MEGF10: variants seen among roughly 807,000 people sequenced by gnomAD.
MEGF10 encodes multiple EGF like domains 10.
A neutral mutation model predicts 147.5 loss-of-function variants in MEGF10; 86 were observed. The ratio of observed to expected loss-of-function variants is 0.58; its 90% CI spans 0.49 to 0.70. The LOEUF (loss-of-function observed/expected upper bound fraction) is 0.70. MEGF10 is among the 30% of genes least tolerant of loss of function. The pLI, the probability that MEGF10 is intolerant of heterozygous loss-of-function variation, is 0.00. For missense variants in MEGF10, 1,329 were observed against 1,487.3 expected (o/e 0.89, Z 1.75); for synonymous variants, 478 against 525.5 (o/e 0.91, Z 1.24).
the MEGF10 span, among the ~76,000 whole-genome samples, chr5:127,259,243 A>C: frequency 6.6e-6 from 1 of 152,096 alleles, no homozygotes; most frequent in African/African-American, 2.4e-5. Context: ...CAGGCCAAAG[A>C]CCTAGTTCTG....
At chr5:127,319,129 G>A (rs1760690754) in intron 1 of MEGF10, among the ~76,000 whole-genome samples, 1 of 149,398 alleles carries the variant, frequency 6.7e-6, no homozygotes, top group Admixed American at 6.7e-5. Context: ...AGGCTGGAGT[G>A]CAGTGGTATG....
the MEGF10 span, among the ~76,000 whole-genome samples, chr5:127,272,816 A>G: frequency 7.7e-4 from 117 of 152,322 alleles, no homozygotes; most frequent in African/African-American, 2.8e-3. Flanking sequence ...TATCAGCTTA[A>G]GAAGCTTTTA....
At chr5:127,449,634 A>G (rs1766080952) in intron 22 of MEGF10, among the ~76,000 whole-genome samples, 1 of 152,150 alleles carries the variant, frequency 6.6e-6, no homozygotes, top group Non-Finnish European at 1.5e-5. Flanking sequence ...TGTTAGAGCT[A>G]GTATTGGACC....
intron 1 of MEGF10, among the ~76,000 whole-genome samples, chr5:127,308,702 A>C: frequency 7.0e-6 from 1 of 142,816 alleles, no homozygotes; most frequent in Non-Finnish European, 1.5e-5. Context: ...ATCACACACC[A>C]GAGCCTGTTG....
intron 4 of MEGF10, among the ~76,000 whole-genome samples, chr5:127,357,066 TATTTG>T (rs1450514837): frequency 1.3e-5 from 2 of 152,234 alleles, no homozygotes; most frequent in Non-Finnish European, 2.9e-5. Flanking sequence ...ATTTATAATT[TATTTG>T]AGACTCTTTG....
chr5:127,279,007 A>T, the MEGF10 span, among the ~76,000 whole-genome samples: 4 of 152,190 alleles, frequency 2.6e-5, no homozygotes, highest in Admixed American at 6.5e-5. Flanking sequence ...ATTAAATTGC[A>T]CCAGTGCCAC....
intron 1 of MEGF10, among the ~76,000 whole-genome samples, chr5:127,310,526 A>G (rs1170931638): frequency 6.6e-6 from 1 of 152,122 alleles, no homozygotes; most frequent in Non-Finnish European, 1.5e-5. Flanking sequence ...CTTTCTCTGT[A>G]ATACCACAAA....
intron 17 of MEGF10, 24 bp from the exon 18 acceptor site, chr5:127,440,715 C>T (rs1765724416): frequency 6.2e-7 from 1 of 1,612,362 alleles, no homozygotes. Flanking sequence ...CTCTTGACTC[C>T]TACTGTCCTC....
chr5:127,360,178 A>G (rs1762420620), intron 4 of MEGF10, among the ~76,000 whole-genome samples: 2 of 152,038 alleles, frequency 1.3e-5, no homozygotes, highest in Non-Finnish European at 2.9e-5. Context: ...CTTTCTCTCA[A>G]CAATGTTGTT....
the MEGF10 span, among the ~76,000 whole-genome samples, chr5:127,256,188 A>G: frequency 1.3e-5 from 2 of 152,124 alleles, no homozygotes; most frequent in Non-Finnish European, 2.9e-5. Context: ...TTAAATACAT[A>G]TTTACAAGCT....
chr5:127,292,247 A>G (rs1001176698), intron 1 of MEGF10, among the ~76,000 whole-genome samples: 3 of 152,170 alleles, frequency 2.0e-5, no homozygotes, highest in South Asian at 2.1e-4. Context: ...CAACTCTGCC[A>G]CTTTTCAGTT....
At chr5:127,390,792 T>C (rs566217368) in intron 5 of MEGF10, among the ~76,000 whole-genome samples, 2 of 152,240 alleles carry the variant, frequency 1.3e-5, no homozygotes, top group Admixed American at 1.3e-4. Flanking sequence ...AATGTCCTTA[T>C]AGCTTTGGAG....
chr5:127,459,400 C>G lies in MEGF10; in HGVS notation c.*2082C>G, dbSNP rs1301100274. The G allele has an allele frequency of 6.6e-6, 1 of 152,144 alleles. No homozygotes were observed. The allele number at this position is 152,144 out of a possible 1,614,324, so 9.4% of individuals were successfully genotyped here. ...CAATAGTTAACCACTGGCTGGCTCC[C>G]AACTCTAGGTGATAGGCATCTAATT... On this transcript the variant is annotated 3_prime_UTR_variant, in exon 25 of 25. Transcript: ENST00000503335.
At chr5:127,413,647 A>G (rs577612886) in intron 9 of MEGF10, among the ~76,000 whole-genome samples, 1 of 152,386 alleles carries the variant, frequency 6.6e-6, no homozygotes, top group East Asian at 1.9e-4. Flanking sequence ...TTTAGACAGA[A>G]AACAGGTAAT....
At chr5:127,389,861 C>G (rs1201830876) in intron 5 of MEGF10, among the ~76,000 whole-genome samples, 1 of 152,132 alleles carries the variant, frequency 6.6e-6, no homozygotes, top group East Asian at 1.9e-4. Context: ...ATCTGTATGA[C>G]AAACCCCCAT....
At chr5:127,393,535 TTGTC>T (rs1189163480) in intron 5 of MEGF10, among the ~76,000 whole-genome samples, 21 of 152,046 alleles carry the variant, frequency 1.4e-4, no homozygotes, top group Non-Finnish European at 2.6e-4. Context: ...TTATACCTAT[TTGTC>T]TGTAAACATG....
At chr5:127,346,147 C>T (rs1051282636) in intron 4 of MEGF10, among the ~76,000 whole-genome samples, 13 of 152,144 alleles carry the variant, frequency 8.5e-5, no homozygotes, top group African/African-American at 2.9e-4. Context: ...TTTGCAATTG[C>T]GAATTGTGTT....
chr5:127,265,979 A>T, the MEGF10 span, among the ~76,000 whole-genome samples: 2 of 152,072 alleles, frequency 1.3e-5, no homozygotes, highest in Admixed American at 6.5e-5. Context: ...GGTGTTTTAG[A>T]CATGAAGTCC....
the MEGF10 span, among the ~76,000 whole-genome samples, chr5:127,256,910 C>G: frequency 6.6e-6 from 1 of 152,114 alleles, no homozygotes; most frequent in Non-Finnish European, 1.5e-5. Context: ...AATCACAGGA[C>G]AGTGATTGCC....
Sources: allele counts gnomAD v4.1 joint callset (sites outside exome capture counted in the v4.1 genomes callset), GRCh38; gene constraint gnomAD v4.1.1; transcripts MANE v1.5; gene names NCBI Gene and HGNC (gene_info 2026-07-23, HGNC 2026-07-21).